KLF7: variants seen among roughly 807,000 people sequenced by gnomAD.
KLF7 encodes Krueppel-like factor 7.
A neutral mutation model predicts 27.3 loss-of-function variants in KLF7; 2 were observed. The ratio of observed to expected loss-of-function variants is 0.07; its 90% CI spans 0.03 to 0.23. The LOEUF (loss-of-function observed/expected upper bound fraction) is 0.23. KLF7 is among the 10% of genes least tolerant of loss of function. The pLI, the probability that KLF7 is intolerant of heterozygous loss-of-function variation, is 1.00. For synonymous variants in KLF7, 165 were observed against 162.4 expected (o/e 1.02, Z -0.12); for missense variants, 221 against 394.1 (o/e 0.56, Z 3.72).
intron 1 of KLF7, among the ~76,000 whole-genome samples, chr2:207,146,338 C>G (rs1259676548): frequency 2.0e-5 from 3 of 152,188 alleles, no homozygotes; most frequent in Non-Finnish European, 4.4e-5. Context: ...TCTTAGATCA[C>G]TCCCCTCCCC....
In KLF7 at chr2:207,086,850, G is replaced by T. The variant is rs117118351; in HGVS notation, c.857+1608C>A. Among the ~76,000 whole-genome samples the T allele has an allele frequency of 2.0e-4, 30 of 152,308 alleles. No individual in the cohort carries two copies. In the East Asian group the frequency reaches 5.6e-3, roughly 28 times the overall value. On this transcript the variant is annotated intron_variant, in intron 3 of 3. Transcript: ENST00000309446. ...CACACCCTTCAGAGCTGGGCAACTT[G>T]TGTGTACACGCTACCATCACACTCT... is the stretch of plus-strand genomic sequence containing the variant.
chr2:207,139,146 A>G (rs1421026372), intron 1 of KLF7, among the ~76,000 whole-genome samples: 1 of 152,222 alleles, frequency 6.6e-6, no homozygotes, highest in Non-Finnish European at 1.5e-5. Flanking sequence ...CTTCTCTAGA[A>G]AACAGGCTGA....
At position 207,115,761 on chromosome 2, in the gene KLF7, G is replaced by C. The variant is rs555331059; in HGVS notation, c.733+8013C>G. On this transcript the variant is annotated intron_variant, in intron 2 of 3. Transcript: ENST00000309446. Reference sequence around the variant, plus strand: ...CATCATGTCTCCCTACCTGTTTACAGACTACTGAAATTCTATTAAGTTTCC... The same window carrying C: ...CATCATGTCTCCCTACCTGTTTACACACTACTGAAATTCTATTAAGTTTCC... Among the ~76,000 whole-genome samples, 3 of 152,262 alleles carry C rather than the reference G, an allele frequency of 2.0e-5. No homozygotes were observed. In the East Asian group the frequency reaches 5.8e-4, roughly 29 times the overall value.
chr2:207,091,330 C>A (rs2076505849), intron 2 of KLF7, among the ~76,000 whole-genome samples: 1 of 152,168 alleles, frequency 6.6e-6, no homozygotes, highest in Admixed American at 6.5e-5. Context: ...ACTCTCCAAC[C>A]CAGGAGCTAT....
At chr2:207,160,949 G>A (rs988012618) in intron 1 of KLF7, among the ~76,000 whole-genome samples, 1 of 152,196 alleles carries the variant, frequency 6.6e-6, no homozygotes, top group Non-Finnish European at 1.5e-5. Flanking sequence ...TCTCCTCAGG[G>A]TAAGGAGTGG....
chr2:207,160,426 G>A (rs9653332), intron 1 of KLF7, among the ~76,000 whole-genome samples: 3 of 151,910 alleles, frequency 2.0e-5, no homozygotes, highest in Admixed American at 1.3e-4. Flanking sequence ...ATCACAGAGC[G>A]ATTTTCTGCA....
intron 2 of KLF7, among the ~76,000 whole-genome samples, chr2:207,122,449 T>C (rs141647916): frequency 3.4e-3 from 512 of 152,284 alleles, no homozygotes; most frequent in African/African-American, 0.011. Context: ...TCATATATTA[T>C]ATATTCGAAC....
Position 207,081,067 on chromosome 2 carries a change from G to GTGTA in KLF7, c.*145_*146insTACA, listed in dbSNP as rs1464921575. 207 of 717,412 alleles carry GTGTA rather than the reference G, an allele frequency of 2.9e-4. No individual in the cohort carries two copies. In the African/African-American group the frequency reaches 3.3e-3, roughly 11 times the overall value. 44.4% of individuals were successfully genotyped at this position (717,412 alleles called of 1,614,324 possible). ...GGTCTGTGAGTGTGTGTATATGTGTGTGTGTGTGTGTGTGTGTACAGAGGT... is the reference window on the plus strand; with the variant it reads ...GGTCTGTGAGTGTGTGTATATGTGTGTGTATGTGTGTGTGTGTGTGTACAGAGGT... On this transcript the variant is annotated 3_prime_UTR_variant, in exon 4 of 4. Coordinates refer to ENST00000309446, the MANE Select transcript of KLF7 (RefSeq NM_003709.4).
intron 1 of KLF7, among the ~76,000 whole-genome samples, chr2:207,145,803 C>T (rs563834062): frequency 1.3e-5 from 2 of 148,800 alleles, no homozygotes; most frequent in Middle Eastern, 7.0e-3. Context: ...CCACTGCATC[C>T]TCAGCACCTA....
intron 2 of KLF7, among the ~76,000 whole-genome samples, chr2:207,113,600 TGGGGGGTGG>T (rs970611065): frequency 8.2e-4 from 2 of 2,450 alleles, no homozygotes; most frequent in Non-Finnish European, 1.5e-3. Flanking sequence ...CAAAGTGGAA[TGGGGGGTGG>T]GGGGGGGGGG....
chr2:207,100,746 T>G (rs545837208), intron 2 of KLF7, among the ~76,000 whole-genome samples: 17 of 152,332 alleles, frequency 1.1e-4, no homozygotes, highest in South Asian at 2.1e-4. Flanking sequence ...GCCAGTTATT[T>G]ACTATTTCCT....
At chr2:207,142,189 TG>T (rs1229337271) in intron 1 of KLF7, among the ~76,000 whole-genome samples, 1 of 152,174 alleles carries the variant, frequency 6.6e-6, no homozygotes, top group African/African-American at 2.4e-5. Context: ...TTAAAAATCT[TG>T]ATTAGGAGCT....
chr2:207,130,733 T>C (rs1392688628), intron 1 of KLF7, among the ~76,000 whole-genome samples: 3 of 152,378 alleles, frequency 2.0e-5, no homozygotes, highest in African/African-American at 4.8e-5. Flanking sequence ...CTGTGTCTTT[T>C]AATTTGAACA....
intron 2 of KLF7, among the ~76,000 whole-genome samples, chr2:207,092,970 TAG>T (rs1456544722): frequency 6.6e-6 from 1 of 152,204 alleles, no homozygotes; most frequent in African/African-American, 2.4e-5. Flanking sequence ...TAAATAAAAA[TAG>T]CTTTGCTCTC....
chr2:207,150,204 G>A (rs2078204110), intron 1 of KLF7, among the ~76,000 whole-genome samples: 1 of 152,148 alleles, frequency 6.6e-6, no homozygotes, highest in Non-Finnish European at 1.5e-5. Context: ...CTAAAGAGAA[G>A]CATATTATAT....
At chr2:207,089,196 C>T (rs532951762) in intron 2 of KLF7, among the ~76,000 whole-genome samples, 6 of 152,238 alleles carry the variant, frequency 3.9e-5, no homozygotes, top group Admixed American at 2.0e-4. Context: ...CTTGACAATC[C>T]CTGGCATTTA....
At chr2:207,102,287 T>C (rs1201672465) in intron 2 of KLF7, among the ~76,000 whole-genome samples, 1 of 152,112 alleles carries the variant, frequency 6.6e-6, no homozygotes, top group Non-Finnish European at 1.5e-5. Flanking sequence ...TTTTTGTCTG[T>C]ACTGAACTCA....
At chr2:207,111,366 A>G (rs2077032763) in intron 2 of KLF7, among the ~76,000 whole-genome samples, 1 of 152,198 alleles carries the variant, frequency 6.6e-6, no homozygotes, top group South Asian at 2.1e-4. Flanking sequence ...TAAGGTTTTG[A>G]GCACAGGGTG....
At chr2:207,131,139 CCT>C (rs1318681080) in intron 1 of KLF7, among the ~76,000 whole-genome samples, 3 of 152,056 alleles carry the variant, frequency 2.0e-5, no homozygotes, top group African/African-American at 7.2e-5. Context: ...AGTCATGCTT[CCT>C]CTGAGATCAG....
Sources: allele counts gnomAD v4.1 joint callset (sites outside exome capture counted in the v4.1 genomes callset), GRCh38; gene constraint gnomAD v4.1.1; transcripts MANE v1.5; gene names NCBI Gene and HGNC (gene_info 2026-07-23, HGNC 2026-07-21).